Variants in GFRA2 observed in about 807,000 individuals in gnomAD.
GFRA2 encodes GDNF family receptor alpha-2.
In GFRA2, 17 loss-of-function variants were observed where a neutral mutation model predicts 48.3. The ratio of observed to expected loss-of-function variants is 0.35; its 90% CI spans 0.24 to 0.53. GFRA2 has a LOEUF of 0.53. Ranked by LOEUF, GFRA2 falls within the 20% of genes least tolerant of loss-of-function variation. The probability of loss-of-function intolerance (pLI) is 0.93; values close to 1 mark genes in which losing one functional copy is unlikely to be tolerated. For synonymous variants in GFRA2, 305 were observed against 257.2 expected (o/e 1.19, Z -1.78); for missense variants, 660 against 637.3 (o/e 1.04, Z -0.38).
chr8:21,725,197 G>A (rs951813950), intron 4 of GFRA2, among the ~76,000 whole-genome samples: 3 of 152,260 alleles, frequency 2.0e-5, no homozygotes, highest in Admixed American at 6.5e-5. Flanking sequence ...TTCATCCCAA[G>A]AAGATTCCTG....
upstream of GFRA2, among the ~76,000 whole-genome samples, chr8:21,789,839 G>T (rs1807505703): frequency 1.3e-5 from 2 of 152,078 alleles, no homozygotes; most frequent in Admixed American, 6.5e-5. Context: ...CCACCTCCTC[G>T]GAGGCCGGCA....
In GFRA2 at chr8:21,767,629, C is replaced by A. The variant is rs1012063263; in HGVS notation, c.439+7343G>T. On this transcript the variant is annotated intron_variant, in intron 3 of 8. Transcript: ENST00000524240. ...GCAGGGGCGTCCGGCCAAGAGCCGCCCCACACCCCAGCCACTGGCAGAGCC... is the reference window on the plus strand; with the variant it reads ...GCAGGGGCGTCCGGCCAAGAGCCGCACCACACCCCAGCCACTGGCAGAGCC... 1.3e-5 allele frequency among the ~76,000 whole-genome samples: 2 copies of A among 152,242 alleles called. 1 individual carries two copies.
intron 3 of GFRA2, among the ~76,000 whole-genome samples, chr8:21,762,334 A>G (rs185515536): frequency 5.9e-5 from 9 of 152,280 alleles, no homozygotes; most frequent in African/African-American, 2.2e-4. Context: ...TCAGTTGTCA[A>G]TCAAAGCCCA....
At chr8:21,775,729 T>G (rs1253701086) in intron 2 of GFRA2, among the ~76,000 whole-genome samples, 1 of 152,206 alleles carries the variant, frequency 6.6e-6, no homozygotes, top group Non-Finnish European at 1.5e-5. Context: ...TCCATCTGCG[T>G]GGTCCCTCTC....
chr8:21,798,637 G>A (rs1807718368), intron 2 of GFRA2, among the ~76,000 whole-genome samples: 1 of 152,142 alleles, frequency 6.6e-6, no homozygotes. Flanking sequence ...ACTATGCTTT[G>A]AAATGTAAGC....
rs142211091 is a variant in GFRA2 at position 21,751,808 on chromosome 8, T to C, written c.440-866A>G. Among the ~76,000 whole-genome samples, 291 of 152,204 alleles carry C rather than the reference T, an allele frequency of 1.9e-3. 1 individual carries two copies. The highest frequency in any genetic ancestry group is 6.6e-3 in the African/African-American group (275 of 41,526). ...TAATCACTTGCCCATTAAAGATTGA[T>C]CAGGTCCTACCTCTGCACAGCCCTC... On this transcript the variant is annotated intron_variant, in intron 3 of 8. Transcript: ENST00000524240.
chr8:21,748,478 C>A (rs1317262906), intron 4 of GFRA2, among the ~76,000 whole-genome samples: 1 of 152,184 alleles, frequency 6.6e-6, no homozygotes, highest in South Asian at 2.1e-4. Flanking sequence ...TTCAGCCAGT[C>A]ACCTAGCCCC....
intron 4 of GFRA2, among the ~76,000 whole-genome samples, chr8:21,739,132 G>A (rs1318027779): frequency 6.6e-6 from 1 of 152,204 alleles, no homozygotes; most frequent in Non-Finnish European, 1.5e-5. Flanking sequence ...CTCAGAGAAT[G>A]TGTCTTGGAC....
intron 7 of GFRA2, among the ~76,000 whole-genome samples, chr8:21,700,140 G>A (rs1426397619): frequency 6.6e-6 from 1 of 152,168 alleles, no homozygotes; most frequent in Non-Finnish European, 1.5e-5. Flanking sequence ...AGACCAGCAG[G>A]TAGCTCACCC....
Position 21,750,961 on chromosome 8 carries a change from A to C in GFRA2, c.440-19T>G. 6.5e-7 allele frequency: 1 copy of C among 1,543,662 alleles called. No homozygotes were observed. The highest frequency in any genetic ancestry group is 8.9e-7 in the Non-Finnish European group (1 of 1,123,430). On this transcript the variant is annotated intron_variant, in intron 3 of 8. Coordinates refer to ENST00000524240, the MANE Select transcript of GFRA2 (RefSeq NM_001495.5). This position sits in a 1 kb window ranked among gnomAD's most constrained non-coding sequence, Gnocchi z 5.7. ...CCTGTCCCTGGAGGAGGAACAAGAG[A>C]GCAGGTCAGAGGCCACACAAGCATG... is the stretch of plus-strand genomic sequence containing the variant.
At chr8:21,700,764 A>T (rs986958167) in intron 7 of GFRA2, among the ~76,000 whole-genome samples, 1 of 152,160 alleles carries the variant, frequency 6.6e-6, no homozygotes, top group African/African-American at 2.4e-5. Flanking sequence ...GAGGACAGAG[A>T]TCAGCAAAAT....
upstream of GFRA2, chr8:21,790,108 G>A: frequency 1.0e-6 from 1 of 985,230 alleles, no homozygotes. Flanking sequence ...TAAACGCCCA[G>A]AAGGACCTAA....
At chr8:21,754,807 C>T (rs187473387) in intron 3 of GFRA2, among the ~76,000 whole-genome samples, 201 of 152,192 alleles carry the variant, frequency 1.3e-3, no homozygotes, top group African/African-American at 4.8e-3. Context: ...CTGTGCCTGG[C>T]CAACAATAGC....
chr8:21,791,776 G>C (rs1012739776), upstream of GFRA2, among the ~76,000 whole-genome samples: 7 of 152,132 alleles, frequency 4.6e-5, no homozygotes, highest in Non-Finnish European at 7.3e-5. Context: ...AGAAGAATTA[G>C]GGACCTATGA....
At chr8:21,749,561 C>G (rs553279551) in intron 4 of GFRA2, among the ~76,000 whole-genome samples, 124 of 151,862 alleles carry the variant, frequency 8.2e-4, no homozygotes, top group South Asian at 1.5e-3. Flanking sequence ...TATCTCAATA[C>G]AGAGTGAGCT....
rs370374622 is a variant in GFRA2 at position 21,702,916 on chromosome 8, C to T, written c.1107G>A (p.Ser369=). The change falls in exon 7 of 9, where the codon TCG becomes TCA. Residue 369 remains serine (S), a synonymous_variant. Coordinates refer to ENST00000524240, the MANE Select transcript of GFRA2 (RefSeq NM_001495.5). The part of the protein sequence containing the change: ...TDVNVSPKGP[S]FQATQAPRVE... Reference sequence around the variant, plus strand: ...CCCGAGGGGCCTGGGTGGCCTGGAACGAGGGGCCTTTTGGGGACACGTTCA... The same window carrying T: ...CCCGAGGGGCCTGGGTGGCCTGGAATGAGGGGCCTTTTGGGGACACGTTCA... 1.4e-4 allele frequency: 226 copies of T among 1,586,600 alleles called. No homozygotes were observed. The highest frequency in any genetic ancestry group is 1.8e-4 in the Non-Finnish European group (209 of 1,169,356).
intron 3 of GFRA2, among the ~76,000 whole-genome samples, chr8:21,770,780 C>G (rs958573277): frequency 6.6e-6 from 1 of 152,198 alleles, no homozygotes; most frequent in Non-Finnish European, 1.5e-5. Flanking sequence ...TCCTCTTCAT[C>G]ACCACTTTGA....
chr8:21,767,056 G>A (rs996623450), intron 3 of GFRA2, among the ~76,000 whole-genome samples: 5 of 63,160 alleles, frequency 7.9e-5, no homozygotes, highest in Admixed American at 6.3e-4. Context: ...CACCACACAC[G>A]CATCACAGGC....
At chr8:21,705,872 G>A (rs763422990) in intron 5 of GFRA2, 60 bp downstream of exon 5, 139 of 1,171,214 alleles carry the variant, frequency 1.2e-4, no homozygotes, top group Middle Eastern at 7.1e-4. Context: ...TGCGGCCCCT[G>A]CCCTGCTGAG....
Sources: gnomAD v4.1 joint callset for allele counts (sites outside exome capture counted in the v4.1 genomes callset) on GRCh38, gnomAD v4.1.1 for gene constraint, Gnocchi (gnomAD v3.1) non-coding constraint, MANE v1.5 for transcripts, NCBI Gene and HGNC (gene_info 2026-07-23, HGNC 2026-07-21) for gene names.